GRK5: variants seen among roughly 807,000 people sequenced by gnomAD.
The protein encoded by GRK5 is g protein-coupled receptor kinase GRK5.
A neutral mutation model predicts 78.4 loss-of-function variants in GRK5; 40 were observed. The observed-to-expected ratio is 0.51, with a 90% CI of 0.40 to 0.66. The LOEUF is 0.66. Among genes scored for constraint, GRK5 ranks in the 30% least tolerant of loss-of-function variants. The pLI is 0.00. For synonymous variants in GRK5, 289 were observed against 296.8 expected (o/e 0.97, Z 0.27); for missense variants, 598 against 759.9 (o/e 0.79, Z 2.50).
At chr10:119,399,895 C>T (rs1852120606) in intron 4 of GRK5, among the ~76,000 whole-genome samples, 1 of 152,204 alleles carries the variant, frequency 6.6e-6, no homozygotes, top group African/African-American at 2.4e-5. Flanking sequence ...TTCCTAGGCT[C>T]ACCTGGATGT....
intron 3 of GRK5, among the ~76,000 whole-genome samples, chr10:119,387,547 C>G (rs976885318): frequency 3.9e-5 from 6 of 152,232 alleles, no homozygotes; most frequent in African/African-American, 1.4e-4. Context: ...TAAGCCATGA[C>G]TAGGTCTGGT....
At chr10:119,419,479 C>T (rs149146651) in intron 4 of GRK5, among the ~76,000 whole-genome samples, 2 of 152,330 alleles carry the variant, frequency 1.3e-5, no homozygotes, top group East Asian at 3.9e-4. Flanking sequence ...TCCCATCTTA[C>T]TGGCAAAGGT....
intron 2 of GRK5, among the ~76,000 whole-genome samples, chr10:119,364,514 C>T (rs1011996665): frequency 6.6e-6 from 1 of 152,138 alleles, no homozygotes; most frequent in Non-Finnish European, 1.5e-5. Flanking sequence ...CTTGTAGGTC[C>T]GTGTTTGTCA....
chr10:119,286,319 C>A (rs1389759027), intron 1 of GRK5, among the ~76,000 whole-genome samples: 1 of 152,232 alleles, frequency 6.6e-6, no homozygotes, highest in East Asian at 1.9e-4. Flanking sequence ...TGCTTTAAGT[C>A]CTTTGAAGTA....
At chr10:119,324,746 A>G (rs568861627) in intron 1 of GRK5, among the ~76,000 whole-genome samples, 1 of 152,376 alleles carries the variant, frequency 6.6e-6, no homozygotes, top group South Asian at 2.1e-4. Flanking sequence ...GTATGTTTAT[A>G]TGTACATGAA....
At chr10:119,356,298 A>T (rs1851261640) in intron 2 of GRK5, among the ~76,000 whole-genome samples, 1 of 152,238 alleles carries the variant, frequency 6.6e-6, no homozygotes, top group Admixed American at 6.5e-5. Context: ...ATATATAATG[A>T]CAGTTCATTT....
chr10:119,278,596 T>A (rs2133685687), intron 1 of GRK5, among the ~76,000 whole-genome samples: 1 of 152,244 alleles, frequency 6.6e-6, no homozygotes. Flanking sequence ...AAGAGACAGA[T>A]CTGAGCACGT....
At chr10:119,332,612 A>G (rs1429357448) in intron 2 of GRK5, among the ~76,000 whole-genome samples, 1 of 152,070 alleles carries the variant, frequency 6.6e-6, no homozygotes, top group Non-Finnish European at 1.5e-5. Flanking sequence ...ATTTTTCTCC[A>G]CCCCAGTCCA....
At chr10:119,426,609 G>A (rs191568651) in intron 6 of GRK5, among the ~76,000 whole-genome samples, 27 of 152,306 alleles carry the variant, frequency 1.8e-4, no homozygotes, top group African/African-American at 4.6e-4. Flanking sequence ...CAGGTGTTCC[G>A]CAAAGCTCAG....
intron 1 of GRK5, among the ~76,000 whole-genome samples, chr10:119,304,795 C>T (rs1850246518): frequency 6.6e-6 from 1 of 152,236 alleles, no homozygotes; most frequent in African/African-American, 2.4e-5. Context: ...CAGTCCCCAC[C>T]CAGAGATGCT....
intron 3 of GRK5, among the ~76,000 whole-genome samples, chr10:119,393,045 C>A (rs567097720): frequency 6.6e-6 from 1 of 152,216 alleles, no homozygotes; most frequent in South Asian, 2.1e-4. Flanking sequence ...GCCTTGAGCT[C>A]GGCCCATCCA....
intron 1 of GRK5, among the ~76,000 whole-genome samples, chr10:119,278,142 T>A (rs1849698447): frequency 6.6e-6 from 1 of 152,208 alleles, no homozygotes; most frequent in South Asian, 2.1e-4. Flanking sequence ...GGTTATTCTT[T>A]GGGACAAGGA....
intron 3 of GRK5, among the ~76,000 whole-genome samples, chr10:119,387,504 C>T (rs1462626898): frequency 2.6e-5 from 4 of 152,192 alleles, no homozygotes; most frequent in Non-Finnish European, 5.9e-5. Context: ...CCACTGCCAC[C>T]TGTCCTCTCA....
chr10:119,354,393 TC>T (rs1589760752), intron 2 of GRK5, among the ~76,000 whole-genome samples: 1 of 127,520 alleles, frequency 7.8e-6, no homozygotes, highest in South Asian at 2.5e-4. Context: ...GCCCTACATC[TC>T]CTTTTTTTTT....
chr10:119,455,783 G>A lies in GRK5; in HGVS notation c.*716G>A, dbSNP rs1227208268. On this transcript the variant is annotated 3_prime_UTR_variant, in exon 16 of 16. Coordinates refer to ENST00000392870, the MANE Select transcript of GRK5 (RefSeq NM_005308.3). ...CAGAATGTCCTCTCCTGGGGCCCTCGGAGTCGCCTAGGCTGAGCCCTTCTC... is the reference window on the plus strand; with the variant it reads ...CAGAATGTCCTCTCCTGGGGCCCTCAGAGTCGCCTAGGCTGAGCCCTTCTC... The A allele has an allele frequency of 5.6e-5, 10 of 179,250 alleles. No homozygotes were observed. Among genetic ancestry groups the A allele is most frequent in the Non-Finnish European group, 8.0e-5 (7 of 87,042 alleles). 11.1% of individuals were successfully genotyped at this position (179,250 alleles called of 1,614,324 possible).
chr10:119,325,782 C>T (rs944934086), intron 1 of GRK5, among the ~76,000 whole-genome samples: 3 of 152,220 alleles, frequency 2.0e-5, no homozygotes, highest in South Asian at 2.1e-4. Flanking sequence ...GCAAGGATGA[C>T]GGGAACACCT....
intron 1 of GRK5, among the ~76,000 whole-genome samples, chr10:119,291,027 T>C (rs1343771795): frequency 6.6e-6 from 1 of 152,100 alleles, no homozygotes; most frequent in Non-Finnish European, 1.5e-5. Context: ...TCTGTAGTGG[T>C]GGCTTTGCAG....
intron 1 of GRK5, among the ~76,000 whole-genome samples, chr10:119,306,554 G>A (rs1850274454): frequency 6.6e-6 from 1 of 152,172 alleles, no homozygotes; most frequent in South Asian, 2.1e-4. Flanking sequence ...CACACAGCGA[G>A]GGAAGGAAGC....
At chr10:119,434,585 C>T (rs182401433) in intron 8 of GRK5, among the ~76,000 whole-genome samples, 13 of 152,370 alleles carry the variant, frequency 8.5e-5, no homozygotes, top group African/African-American at 3.1e-4. Context: ...CAGATCATGC[C>T]GATGCCAAGA....
Sources: gnomAD v4.1 joint callset for allele counts (sites outside exome capture counted in the v4.1 genomes callset) on GRCh38, gnomAD v4.1.1 for gene constraint, MANE v1.5 for transcripts, NCBI Gene and HGNC (gene_info 2026-07-23, HGNC 2026-07-21) for gene names.